Variants in CDK14 observed in about 807,000 individuals in gnomAD.
CDK14 encodes the protein cyclin-dependent kinase 14.
A neutral mutation model predicts 60.7 loss-of-function variants in CDK14; 34 were observed. The ratio of observed to expected loss-of-function variants is 0.56; its 90% CI spans 0.43 to 0.75. The LOEUF is 0.75. Among genes scored for constraint, CDK14 ranks in the 30% least tolerant of loss-of-function variants. The pLI is 0.00. For missense variants in CDK14, 482 were observed against 564.1 expected, an observed-to-expected ratio of 0.85 and a Z score of 1.47; for synonymous variants, 197 against 203.7, an observed-to-expected ratio of 0.97 and a Z score of 0.28.
chr7:90,942,458 T>C (rs2117514737), intron 8 of CDK14, among the ~76,000 whole-genome samples: 1 of 152,322 alleles, frequency 6.6e-6, no homozygotes, highest in South Asian at 2.1e-4. Flanking sequence ...ACTTTTGGCT[T>C]CAGGGGTTAA....
At chr7:91,158,326 C>T (rs1477923209) in intron 14 of CDK14, among the ~76,000 whole-genome samples, 1 of 151,970 alleles carries the variant, frequency 6.6e-6, no homozygotes, top group East Asian at 1.9e-4. Context: ...ATTCTGCCCA[C>T]CTCAGCCTGC....
rs1371982582 is a variant in CDK14 at position 90,895,564 on chromosome 7, C to G, written c.640-3727C>G. Reference sequence around the variant, plus strand: ...CCTTCCCCTCCCCTCTCCTCCCCTCCCCTCCCCTCCTTTCCTGACAGAGTC... The same window carrying G: ...CCTTCCCCTCCCCTCTCCTCCCCTCGCCTCCCCTCCTTTCCTGACAGAGTC... On this transcript the variant is annotated intron_variant, in intron 6 of 14. Coordinates refer to ENST00000380050, the MANE Select transcript of CDK14 (RefSeq NM_001287135.2). 4.1e-4 allele frequency among the ~76,000 whole-genome samples: 40 copies of G among 98,508 alleles called. 2 individuals carry two copies. The Admixed American group carries it at 4.1e-3, about 10-fold the overall frequency. The allele number at this position is 98,508 out of a possible 152,430, so 64.6% of individuals were successfully genotyped here. A position where few individuals can be genotyped will look rare whatever the true frequency, so the allele number is the denominator to read the frequency against.
At chr7:91,117,999 T>TA (rs991987540) in intron 13 of CDK14, 66 bp from the exon 14 acceptor site, 344 of 850,830 alleles carry the variant, frequency 4.0e-4, no homozygotes, top group Non-Finnish European at 5.2e-4. Flanking sequence ...TCCATTTTTT[T>TA]AAAAAAAAAA....
chr7:90,927,721 G>A (rs924261923), intron 8 of CDK14, among the ~76,000 whole-genome samples: 6 of 152,272 alleles, frequency 3.9e-5, no homozygotes, highest in African/African-American at 1.4e-4. Flanking sequence ...GAGTATCTTT[G>A]TGGCATTCTC....
chr7:90,923,058 A>G (rs1203636349), intron 8 of CDK14, among the ~76,000 whole-genome samples: 2 of 151,212 alleles, frequency 1.3e-5, no homozygotes, highest in African/African-American at 4.8e-5. Context: ...CAATCACTAT[A>G]GTGTCATTGA....
intron 3 of CDK14, among the ~76,000 whole-genome samples, chr7:90,734,375 G>A (rs992911156): frequency 5.3e-5 from 8 of 152,124 alleles, no homozygotes; most frequent in African/African-American, 1.9e-4. Flanking sequence ...GGTTGGGGAA[G>A]TTCTCCTGGA....
intron 6 of CDK14, among the ~76,000 whole-genome samples, chr7:90,888,660 A>G (rs1792026180): frequency 6.6e-6 from 1 of 152,338 alleles, no homozygotes; most frequent in South Asian, 2.1e-4. Context: ...TTGAGAGTTA[A>G]GATATTCCTG....
intron 4 of CDK14, among the ~76,000 whole-genome samples, chr7:90,787,598 A>G (rs1474491748): frequency 2.0e-5 from 3 of 152,276 alleles, no homozygotes; most frequent in Admixed American, 1.3e-4. Flanking sequence ...AGTGAAATCT[A>G]CTCTGTGCCA....
At chr7:90,695,610 A>C (rs1801639987) in intron 2 of CDK14, among the ~76,000 whole-genome samples, 1 of 152,188 alleles carries the variant, frequency 6.6e-6, no homozygotes, top group Non-Finnish European at 1.5e-5. Flanking sequence ...AGGAATATAA[A>C]CAAAAGCAAG....
chr7:90,763,108 A>T (rs529002275), intron 4 of CDK14, among the ~76,000 whole-genome samples: 59 of 152,234 alleles, frequency 3.9e-4, no homozygotes, highest in African/African-American at 1.4e-3. Flanking sequence ...CCAAGAAGAC[A>T]ACCAACTTTA....
intron 2 of CDK14, chr7:90,709,629 G>GA (rs34926826): frequency 0.17 from 266,216 of 1,588,658 alleles, 21,209 homozygotes; most frequent in African/African-American, 0.21. Context: ...ATCGTGTTTG[G>GA]AAAAAAAAAT....
chr7:90,797,879 A>T (rs1788496628), intron 5 of CDK14, among the ~76,000 whole-genome samples: 1 of 151,910 alleles, frequency 6.6e-6, no homozygotes, highest in South Asian at 2.1e-4. Context: ...CCCAGATCCA[A>T]TCACCTCCCA....
At chr7:91,027,393 T>G (rs771656589) in intron 10 of CDK14, among the ~76,000 whole-genome samples, 5 of 152,186 alleles carry the variant, frequency 3.3e-5, no homozygotes, top group African/African-American at 4.8e-5. Flanking sequence ...TCTCGTCGTG[T>G]GCCAGTGTTG....
At chr7:90,850,094 T>C (rs1284464488) in intron 5 of CDK14, among the ~76,000 whole-genome samples, 1 of 152,040 alleles carries the variant, frequency 6.6e-6, no homozygotes, top group Non-Finnish European at 1.5e-5. Context: ...TATAGGATAT[T>C]TCTTTGCTTC....
At chr7:90,698,686 T>G (rs917335897) in intron 2 of CDK14, among the ~76,000 whole-genome samples, 1 of 152,196 alleles carries the variant, frequency 6.6e-6, no homozygotes, top group Non-Finnish European at 1.5e-5. Context: ...TGCCAACTCT[T>G]TATTTGAAGA....
At chr7:90,666,460 T>C (rs1243885018) in intron 2 of CDK14, 1 of 152,230 alleles carries the variant, frequency 6.6e-6, no homozygotes, top group African/African-American at 2.4e-5. Flanking sequence ...GAATGAGACA[T>C]ACTATAGCCC....
intron 10 of CDK14, among the ~76,000 whole-genome samples, chr7:91,014,607 A>G (rs1796250335): frequency 6.6e-6 from 1 of 152,220 alleles, no homozygotes; most frequent in Non-Finnish European, 1.5e-5. Flanking sequence ...TAGCAGTAGT[A>G]TTAAACAAGC....
chr7:90,990,981 C>T (rs1795517064), intron 10 of CDK14, among the ~76,000 whole-genome samples: 1 of 152,166 alleles, frequency 6.6e-6, no homozygotes, highest in African/African-American at 2.4e-5. Flanking sequence ...ATATGGTCAG[C>T]TGAGCTACAT....
chr7:91,068,664 T>C (rs1029509778), intron 11 of CDK14, among the ~76,000 whole-genome samples: 2 of 152,112 alleles, frequency 1.3e-5, no homozygotes, highest in African/African-American at 4.8e-5. Flanking sequence ...CTGATCTCCT[T>C]CTCACTGCAT....
Sources: gnomAD v4.1 joint callset for allele counts (sites outside exome capture counted in the v4.1 genomes callset) on GRCh38, gnomAD v4.1.1 for gene constraint, MANE v1.5 for transcripts, NCBI Gene and HGNC (gene_info 2026-07-23, HGNC 2026-07-21) for gene names.